Variants in N4BP2L2 observed in about 807,000 individuals in gnomAD.
The protein encoded by N4BP2L2 is NEDD4-binding protein 2-like 2.
A neutral mutation model predicts 56.2 loss-of-function variants in N4BP2L2; 50 were observed. The ratio of observed to expected loss-of-function variants is 0.89; its 90% CI spans 0.71 to 1.13. The LOEUF (loss-of-function observed/expected upper bound fraction) is 1.13. N4BP2L2 is among the 50% of genes most tolerant of loss of function. N4BP2L2 has a pLI of 0.00. For missense variants in N4BP2L2, 689 were observed against 693.8 expected (o/e 0.99, Z 0.08); for synonymous variants, 203 against 223.6 (o/e 0.91, Z 0.82).
At chr13:32,460,542 T>C (rs2079850060) in intron 6 of N4BP2L2, among the ~76,000 whole-genome samples, 1 of 151,984 alleles carries the variant, frequency 6.6e-6, no homozygotes, top group African/African-American at 2.4e-5. Flanking sequence ...AAAAAGGCAA[T>C]TCCATTTATA....
exon 2 of N4BP2L2, chr13:32,536,721 G>C (rs771005736): frequency 6.2e-7 from 1 of 1,614,114 alleles, no homozygotes; most frequent in Admixed American, 1.7e-5. Flanking sequence ...CGTGCTTCCT[G>C]TAAAACCTGT....
intron 6 of N4BP2L2, among the ~76,000 whole-genome samples, chr13:32,497,464 T>C (rs966825208): frequency 6.6e-6 from 1 of 152,210 alleles, no homozygotes; most frequent in Non-Finnish European, 1.5e-5. Context: ...GATCTGGAAA[T>C]CCAGGCAACA....
At chr13:32,508,952 A>G (rs2091370549), downstream of N4BP2L2, 1 of 152,352 alleles carries the variant, frequency 6.6e-6, no homozygotes, top group Non-Finnish European at 1.5e-5. Context: ...AGAAATAGAT[A>G]ATCAAAAGCC....
intron 5 of N4BP2L2, among the ~76,000 whole-genome samples, chr13:32,519,246 A>C (rs1164207402): frequency 1.4e-5 from 2 of 146,312 alleles, no homozygotes; most frequent in South Asian, 4.3e-4. Flanking sequence ...GTCTCTACCA[A>C]AAAAAAAAAA....
At chr13:32,435,900 G>GA (rs540578929) in intron 9 of N4BP2L2, among the ~76,000 whole-genome samples, 1 of 151,610 alleles carries the variant, frequency 6.6e-6, no homozygotes, top group African/African-American at 2.4e-5. Context: ...TTAGGCATTT[G>GA]AAAAAAAATG....
intron 2 of N4BP2L2, among the ~76,000 whole-genome samples, chr13:32,531,028 C>T (rs1404986955): frequency 6.6e-6 from 1 of 152,136 alleles, no homozygotes; most frequent in Non-Finnish European, 1.5e-5. Flanking sequence ...CAGTCTCTAG[C>T]CAGCAAGGAA....
chr13:32,533,851 C>T (rs2055732388), intron 2 of N4BP2L2, among the ~76,000 whole-genome samples: 1 of 152,170 alleles, frequency 6.6e-6, no homozygotes, highest in Admixed American at 6.5e-5. Context: ...CCATTCCTCA[C>T]CAAAGAATAT....
intron 9 of N4BP2L2, among the ~76,000 whole-genome samples, chr13:32,433,885 TGCACCACTGCACTCCAGCCTGG>T (rs2075124105): frequency 7.3e-6 from 1 of 136,482 alleles, no homozygotes; most frequent in Non-Finnish European, 1.5e-5. Flanking sequence ...GAGCTGAGAT[TGCACCACTGCACTCCAGCCTGG>T]GCAACAAGAG....
chr13:32,502,747 ACTT>A (rs2090237986), intron 6 of N4BP2L2, among the ~76,000 whole-genome samples: 1 of 152,208 alleles, frequency 6.6e-6, no homozygotes, highest in Non-Finnish European at 1.5e-5. Context: ...AATCCCTGAT[ACTT>A]CTAAGGGGCA....
At chr13:32,522,160 C>T in intron 4 of N4BP2L2, 22 bp downstream of exon 4, 1 of 1,445,222 alleles carries the variant, frequency 6.9e-7, no homozygotes, top group Non-Finnish European at 9.4e-7. Flanking sequence ...AAAATAAAAA[C>T]TTTCTCATGT....
At chr13:32,489,831 T>C (rs912459087) in intron 6 of N4BP2L2, among the ~76,000 whole-genome samples, 2 of 151,520 alleles carry the variant, frequency 1.3e-5, no homozygotes, top group Non-Finnish European at 2.9e-5. Flanking sequence ...ATTGGCAACA[T>C]TGCTTCACAG....
intron 2 of N4BP2L2, among the ~76,000 whole-genome samples, chr13:32,528,101 T>C (rs1330645517): frequency 6.6e-6 from 1 of 152,176 alleles, no homozygotes; most frequent in Non-Finnish European, 1.5e-5. Flanking sequence ...AGCATTTGTA[T>C]TGCAACTTTT....
In N4BP2L2 at chr13:32,491,967, T is replaced by C. The variant is rs71436482; in HGVS notation, c.365+25890A>G. Among the ~76,000 whole-genome samples the C allele has an allele frequency of 8.1e-3, 1,229 of 152,250 alleles. 7 individuals are homozygous for C. The highest frequency in any genetic ancestry group is 0.011 in the Non-Finnish European group (767 of 68,016). On this transcript the variant is annotated intron_variant, in intron 6 of 9. Transcript: ENST00000357505. Reference sequence around the variant, plus strand: ...TTTATTCACCAGAAGCTCTTCCTAATTGAACTGGTGAGTTATTATGGAATT... The same window carrying C: ...TTTATTCACCAGAAGCTCTTCCTAACTGAACTGGTGAGTTATTATGGAATT...
exon 6 of N4BP2L2, chr13:32,510,498 T>C (rs1030361465): frequency 7.7e-5 from 4 of 51,788 alleles, no homozygotes; most frequent in African/African-American, 3.5e-4. Flanking sequence ...ACTCTATCAA[T>C]TTTTTTTTTT....
intron 6 of N4BP2L2, among the ~76,000 whole-genome samples, chr13:32,485,287 A>G (rs549411775): frequency 6.0e-4 from 91 of 152,340 alleles, no homozygotes; most frequent in African/African-American, 2.0e-3. Context: ...GAGGTAAACT[A>G]GATTTTAAAA....
chr13:32,526,658 A>G (rs1182243676), intron 3 of N4BP2L2, among the ~76,000 whole-genome samples: 2 of 152,048 alleles, frequency 1.3e-5, no homozygotes, highest in African/African-American at 4.8e-5. Context: ...ATAACATAGC[A>G]TATGTATTTA....
chr13:32,451,120 A>G (rs2077943599), intron 6 of N4BP2L2, among the ~76,000 whole-genome samples: 2 of 152,282 alleles, frequency 1.3e-5, no homozygotes, highest in Middle Eastern at 3.4e-3. Context: ...ACAGAAAAAA[A>G]GAGCAGAATA....
exon 7 of N4BP2L2, chr13:32,442,787 G>C: frequency 6.2e-7 from 1 of 1,613,662 alleles, no homozygotes; most frequent in Non-Finnish European, 8.5e-7. Flanking sequence ...GAGCACCTTA[G>C]TCTGTTAAAT....
At chr13:32,473,208 A>T (rs2082643998) in intron 6 of N4BP2L2, among the ~76,000 whole-genome samples, 1 of 151,824 alleles carries the variant, frequency 6.6e-6, no homozygotes, top group African/African-American at 2.4e-5. Flanking sequence ...CTTGAACCCA[A>T]GAGGCAGAGA....
Sources: allele counts gnomAD v4.1 joint callset (sites outside exome capture counted in the v4.1 genomes callset), GRCh38; gene constraint gnomAD v4.1.1; transcripts MANE v1.5; gene names NCBI Gene and HGNC (gene_info 2026-07-23, HGNC 2026-07-21).